DLGAP2: variants seen among roughly 807,000 people sequenced by gnomAD.
The protein encoded by DLGAP2 is disks large-associated protein 2.
Under a neutral mutation model 100.3 loss-of-function variants are expected in DLGAP2, and 26 were observed. The ratio of observed to expected loss-of-function variants is 0.26; its 90% CI spans 0.19 to 0.36. The LOEUF (loss-of-function observed/expected upper bound fraction) is 0.36. Ranked by LOEUF, DLGAP2 falls within the 10% of genes least tolerant of loss-of-function variation. The probability of loss-of-function intolerance (pLI) is 1.00; values close to 1 mark genes in which losing one functional copy is unlikely to be tolerated. For missense variants in DLGAP2, 1,858 were observed against 1,453.2 expected, an observed-to-expected ratio of 1.28 and a Z score of -4.53; for synonymous variants, 886 against 630.1, an observed-to-expected ratio of 1.41 and a Z score of -6.08.
chr8:1,074,783 T>C (rs569592265), intron 2 of DLGAP2, among the ~76,000 whole-genome samples: 8 of 152,158 alleles, frequency 5.3e-5, no homozygotes, highest in African/African-American at 1.7e-4. Flanking sequence ...GTGTATCGTT[T>C]AAGATTATAT....
chr8:977,316 C>T (rs953586305), intron 2 of DLGAP2, among the ~76,000 whole-genome samples: 9 of 152,186 alleles, frequency 5.9e-5, no homozygotes, highest in African/African-American at 2.2e-4. Flanking sequence ...GAGCACCTCC[C>T]ATGTTCTTCT....
rs949781716 is a variant in DLGAP2, at chr8:1,117,910, G to A, written c.74-140941G>A. Among the ~76,000 whole-genome samples the A allele has an allele frequency of 2.6e-5, 4 of 152,002 alleles. No individual in the cohort carries two copies. In the East Asian group the frequency reaches 5.8e-4, roughly 22 times the overall value. On this transcript the variant is annotated intron_variant, in intron 2 of 14. Coordinates refer to ENST00000637795, the MANE Select transcript of DLGAP2 (RefSeq NM_001346810.2). ...TTAAGAAAATCAGACAAAAGTATCA[G>A]CAATTCAAACATGGAAAAAGCATTT...
intron 2 of DLGAP2, among the ~76,000 whole-genome samples, chr8:1,187,083 G>A (rs1036934925): frequency 6.6e-5 from 10 of 152,182 alleles, no homozygotes; most frequent in African/African-American, 1.4e-4. Context: ...GCAGCTGCTT[G>A]GAGATGCATC....
chr8:782,681 C>A (rs1293000893), intron 1 of DLGAP2, among the ~76,000 whole-genome samples: 1 of 152,180 alleles, frequency 6.6e-6, no homozygotes, highest in Non-Finnish European at 1.5e-5. Flanking sequence ...CCCCTGAACA[C>A]TGATTTTATC....
At chr8:1,190,161 C>G (rs1468803683) in intron 2 of DLGAP2, among the ~76,000 whole-genome samples, 1 of 152,132 alleles carries the variant, frequency 6.6e-6, no homozygotes, top group African/African-American at 2.4e-5. Flanking sequence ...ATGGATTGCA[C>G]TTTAGATAAA....
At chr8:940,778 A>G (rs867984353) in intron 2 of DLGAP2, among the ~76,000 whole-genome samples, 1 of 152,192 alleles carries the variant, frequency 6.6e-6, no homozygotes, top group Non-Finnish European at 1.5e-5. Context: ...TCATTATCCA[A>G]TGAGAAAAGA....
intron 8 of DLGAP2, among the ~76,000 whole-genome samples, chr8:1,662,593 C>T (rs1388432251): frequency 6.6e-6 from 1 of 152,260 alleles, no homozygotes; most frequent in Admixed American, 6.5e-5. Context: ...ATCTGAATCT[C>T]AGTTCTACCA....
intron 3 of DLGAP2, among the ~76,000 whole-genome samples, chr8:1,308,810 C>T (rs777743063): frequency 1.3e-5 from 2 of 152,220 alleles, no homozygotes; most frequent in African/African-American, 2.4e-5. Flanking sequence ...CAGGCATGAG[C>T]CACCGTGCCT....
At chr8:1,158,836 G>T (rs959252698) in intron 2 of DLGAP2, among the ~76,000 whole-genome samples, 14 of 152,138 alleles carry the variant, frequency 9.2e-5, no homozygotes, top group South Asian at 2.1e-4. Flanking sequence ...TGGTCACTTT[G>T]GGGACCCCGT....
At chr8:1,252,866 G>A (rs1347528334) in intron 2 of DLGAP2, among the ~76,000 whole-genome samples, 1 of 152,222 alleles carries the variant, frequency 6.6e-6, no homozygotes, top group Non-Finnish European at 1.5e-5. Context: ...AAAGACGTTG[G>A]TGTTTTTCTC....
intron 2 of DLGAP2, among the ~76,000 whole-genome samples, chr8:1,186,336 C>T (rs979858093): frequency 6.6e-6 from 1 of 152,220 alleles, no homozygotes; most frequent in Admixed American, 6.5e-5. Context: ...TTATTTCCTC[C>T]TTATTCTAAC....
intron 2 of DLGAP2, among the ~76,000 whole-genome samples, chr8:1,104,284 G>T (rs867396463): frequency 5.3e-5 from 8 of 152,114 alleles, no homozygotes; most frequent in Admixed American, 4.6e-4. Context: ...CCAGTAAAAA[G>T]AGCTCAGGAG....
At chr8:923,270 T>G (rs1263019262) in intron 2 of DLGAP2, among the ~76,000 whole-genome samples, 3 of 152,194 alleles carry the variant, frequency 2.0e-5, no homozygotes, top group Middle Eastern at 3.2e-3. Flanking sequence ...TGTCTGTAAA[T>G]GAGACGGCTG....
chr8:1,219,362 C>T (rs1798273194), intron 2 of DLGAP2, among the ~76,000 whole-genome samples: 1 of 152,182 alleles, frequency 6.6e-6, no homozygotes, highest in South Asian at 2.1e-4. Context: ...TTTTCTGCAT[C>T]TATTAAGATG....
chr8:1,639,577 C>G (rs1396961264), intron 8 of DLGAP2, among the ~76,000 whole-genome samples: 2 of 152,208 alleles, frequency 1.3e-5, no homozygotes, highest in African/African-American at 4.8e-5. Context: ...TGAGGAACCC[C>G]TACAAAGCAG....
chr8:1,262,274 A>T (rs953609975), intron 3 of DLGAP2: 11 of 152,332 alleles, frequency 7.2e-5, no homozygotes, highest in African/African-American at 2.4e-4. Flanking sequence ...TTGTATATAA[A>T]ATGTAGATCA....
intron 3 of DLGAP2, among the ~76,000 whole-genome samples, chr8:1,309,148 C>T (rs577481573): frequency 7.3e-5 from 11 of 150,922 alleles, no homozygotes; most frequent in East Asian, 1.9e-4. Context: ...CAAGAGTCTC[C>T]GAAAAGGGAA....
intron 3 of DLGAP2, among the ~76,000 whole-genome samples, chr8:1,469,855 T>G (rs953731570): frequency 4.6e-5 from 7 of 151,974 alleles, no homozygotes; most frequent in African/African-American, 1.7e-4. Flanking sequence ...AAATACAGAC[T>G]CCTATAAAAC....
chr8:938,789 C>G (rs1163203156), intron 2 of DLGAP2, among the ~76,000 whole-genome samples: 1 of 152,158 alleles, frequency 6.6e-6, no homozygotes, highest in East Asian at 1.9e-4. Context: ...ACAGGGGCCA[C>G]GGGAGCCAGA....
Sources: gnomAD v4.1 joint callset for allele counts (sites outside exome capture counted in the v4.1 genomes callset) on GRCh38, gnomAD v4.1.1 for gene constraint, MANE v1.5 for transcripts, NCBI Gene and HGNC (gene_info 2026-07-23, HGNC 2026-07-21) for gene names.